Variants in LRRC8C observed in about 807,000 individuals in gnomAD.
LRRC8C encodes the protein volume-regulated anion channel subunit LRRC8C.
In LRRC8C, 20 loss-of-function variants were observed where a neutral mutation model predicts 55.3. The observed-to-expected ratio is 0.36, with a 90% CI of 0.25 to 0.53. The LOEUF is 0.53. Among genes scored for constraint, LRRC8C ranks in the 20% least tolerant of loss-of-function variants. LRRC8C has a pLI of 0.92. For synonymous variants in LRRC8C, 376 were observed against 360.7 expected, an observed-to-expected ratio of 1.04 and a Z score of -0.48; for missense variants, 659 against 951.4, an observed-to-expected ratio of 0.69 and a Z score of 4.04.
chr1:89,669,356 C>T (rs1199779380), intron 1 of LRRC8C, among the ~76,000 whole-genome samples: 2 of 152,096 alleles, frequency 1.3e-5, no homozygotes, highest in Non-Finnish European at 2.9e-5. Context: ...CTTTAAAGAT[C>T]TGCTGTACAA....
At chr1:89,685,246 G>A (rs2101279555) in intron 1 of LRRC8C, among the ~76,000 whole-genome samples, 1 of 149,818 alleles carries the variant, frequency 6.7e-6, no homozygotes, top group Admixed American at 6.7e-5. Flanking sequence ...AGCCTCCCGA[G>A]TAGCTGGGAC....
intron 1 of LRRC8C, among the ~76,000 whole-genome samples, chr1:89,635,380 T>C (rs1476037297): frequency 6.6e-6 from 1 of 152,186 alleles, no homozygotes; most frequent in Non-Finnish European, 1.5e-5. Context: ...TATGGTACAT[T>C]GCTATAACAT....
At chr1:89,682,824 G>A (rs1657757237) in intron 1 of LRRC8C, among the ~76,000 whole-genome samples, 1 of 152,236 alleles carries the variant, frequency 6.6e-6, no homozygotes, top group Non-Finnish European at 1.5e-5. Context: ...CACTTCTGCT[G>A]CATTCCAAAG....
At chr1:89,666,578 C>T (rs1657271381) in intron 1 of LRRC8C, among the ~76,000 whole-genome samples, 1 of 152,120 alleles carries the variant, frequency 6.6e-6, no homozygotes, top group Non-Finnish European at 1.5e-5. Flanking sequence ...TTCTTTGCTT[C>T]CTCTTTGCCC....
intron 1 of LRRC8C, among the ~76,000 whole-genome samples, chr1:89,636,065 G>C (rs1443683432): frequency 6.6e-6 from 1 of 152,192 alleles, no homozygotes; most frequent in African/African-American, 2.4e-5. Flanking sequence ...GTCAAATTCG[G>C]ACTCTGCCGT....
At chr1:89,643,990 C>G (rs1656544104) in intron 1 of LRRC8C, among the ~76,000 whole-genome samples, 2 of 152,146 alleles carry the variant, frequency 1.3e-5, no homozygotes, top group South Asian at 4.1e-4. Context: ...AGATAACCTA[C>G]AAATGCACTG....
chr1:89,672,447 C>T (rs1657447778), intron 1 of LRRC8C, among the ~76,000 whole-genome samples: 1 of 152,154 alleles, frequency 6.6e-6, no homozygotes, highest in Admixed American at 6.5e-5. Flanking sequence ...GAGCTCAATA[C>T]CTTGCAGATA....
At chr1:89,699,390 TG>T (rs1413415257) in intron 2 of LRRC8C, among the ~76,000 whole-genome samples, 1 of 152,180 alleles carries the variant, frequency 6.6e-6, no homozygotes, top group Non-Finnish European at 1.5e-5. Context: ...GACAGTGATG[TG>T]TCAATGTAGG....
intron 2 of LRRC8C, among the ~76,000 whole-genome samples, chr1:89,695,331 A>G (rs1028880630): frequency 1.1e-4 from 17 of 152,252 alleles, no homozygotes; most frequent in African/African-American, 4.1e-4. Flanking sequence ...TAATAGGGTC[A>G]GCTATCTTAA....
At chr1:89,625,714 C>A in the LRRC8C span, among the ~76,000 whole-genome samples, 4 of 152,182 alleles carry the variant, frequency 2.6e-5, no homozygotes, top group Admixed American at 6.5e-5. Flanking sequence ...AATTTCACTA[C>A]CGTGATAAGG....
intron 1 of LRRC8C, among the ~76,000 whole-genome samples, chr1:89,665,288 T>A (rs1339849996): frequency 6.6e-6 from 1 of 152,184 alleles, no homozygotes; most frequent in African/African-American, 2.4e-5. Context: ...GCTCTTATTA[T>A]TTTGAGATAC....
rs1305313616 is a variant in LRRC8C, at chr1:89,715,679, C to A, written c.*697C>A. ...CCAACATTTTAAAAATATTTAAAAC[C>A]TAAATACAGAGGCTCCTCCCACCTT... On this transcript the variant is annotated 3_prime_UTR_variant, in exon 3 of 3. Coordinates refer to ENST00000370454, the MANE Select transcript of LRRC8C (RefSeq NM_032270.5). The A allele has an allele frequency of 6.6e-6, 1 of 152,104 alleles. No homozygotes were observed. Among genetic ancestry groups the A allele is most frequent in the East Asian group, 1.9e-4 (1 of 5,202 alleles). The allele number at this position is 152,104 out of a possible 1,614,324, so 9.4% of individuals were successfully genotyped here. A position where few individuals can be genotyped will look rare whatever the true frequency, so the allele number is the denominator to read the frequency against.
chr1:89,686,711 AT>A, intron 2 of LRRC8C, 100 bp downstream of exon 2: 1 of 1,315,586 alleles, frequency 7.6e-7, no homozygotes, highest in Non-Finnish European at 1.1e-6. Context: ...CCATGTAAGT[AT>A]TAGTCACTGT....
chr1:89,638,810 T>C (rs935839023), intron 1 of LRRC8C, among the ~76,000 whole-genome samples: 6 of 152,048 alleles, frequency 3.9e-5, no homozygotes, highest in African/African-American at 1.4e-4. Context: ...AGGGAAGCCC[T>C]CCGCAAACTT....
chr1:89,714,859 C>G lies in LRRC8C; in HGVS notation c.2289C>G (p.His763Gln). 1 of 1,614,126 alleles carries G rather than the reference C, an allele frequency of 6.2e-7. No homozygotes were observed. The highest frequency in any genetic ancestry group is 8.5e-7 in the Non-Finnish European group (1 of 1,179,996). Residue 763 changes from histidine (H) to glutamine (Q), a missense_variant, in exon 3 of 3, where the codon CAC becomes CAG. His to Gln is a conservative substitution (Grantham distance 24). This residue lies in a region of LRRC8C where 344 missense variants were observed against 464.6 expected (regional missense o/e 0.74). Transcript: ENST00000370454. The surrounding 1 kb of genome is among the most constrained non-coding windows in gnomAD (Gnocchi z 4.6). ...FLSYLDVKGN[H>Q]FEILPPELGD... ...CCTACTTAGATGTAAAAGGTAATCA[C>G]TTTGAAATCCTCCCTCCTGAACTGG...
the LRRC8C span, among the ~76,000 whole-genome samples, chr1:89,627,408 G>A: frequency 1.3e-5 from 2 of 151,882 alleles, no homozygotes; most frequent in African/African-American, 2.4e-5. Context: ...GCCTTAACTC[G>A]GAGCTACGGA....
Position 89,713,170 on chromosome 1 carries a change from A to T in LRRC8C, c.600A>T (p.Gln200His). ...ACATGAACAGGTCCAACACCATCCA[A>T]TCTGGTCCAGAAGACAGCCTGGTCA... Reference protein sequence around the residue: ...KNNMNRSNTIQSGPEDSLVNS... With the variant: ...KNNMNRSNTIHSGPEDSLVNS... The change falls in exon 3 of 3, where the codon CAA (glutamine) becomes CAT (histidine). Residue 200 changes from glutamine to histidine, a missense_variant. By Grantham distance (24) the Gln-to-His change is conservative. Coordinates refer to ENST00000370454, the MANE Select transcript of LRRC8C (RefSeq NM_032270.5). The surrounding 1 kb of genome is among the most constrained non-coding windows in gnomAD (Gnocchi z 5.2). 3 of 1,614,120 alleles carry T rather than the reference A, an allele frequency of 1.9e-6. No individual in the cohort carries two copies. Among genetic ancestry groups the T allele is most frequent in the Non-Finnish European group, 2.5e-6 (3 of 1,180,016 alleles).
chr1:89,677,600 T>A (rs1033309822), intron 1 of LRRC8C, among the ~76,000 whole-genome samples: 1 of 152,186 alleles, frequency 6.6e-6, no homozygotes. Flanking sequence ...TGGTTAAAAG[T>A]TATAGTTCAC....
intron 1 of LRRC8C, among the ~76,000 whole-genome samples, chr1:89,665,969 A>C (rs949720157): frequency 6.6e-6 from 1 of 152,220 alleles, no homozygotes; most frequent in Non-Finnish European, 1.5e-5. Flanking sequence ...AGGATTCAGT[A>C]CAGGAAAATG....
Sources: allele counts gnomAD v4.1 joint callset (sites outside exome capture counted in the v4.1 genomes callset), GRCh38; gene constraint gnomAD v4.1.1; regional missense constraint gnomAD v4.1.1; non-coding constraint Gnocchi (gnomAD v3.1); transcripts MANE v1.5; gene names NCBI Gene and HGNC (gene_info 2026-07-23, HGNC 2026-07-21).